Variants in HIVEP3 observed in about 807,000 individuals in gnomAD.
The protein encoded by HIVEP3 is HIVEP zinc finger 3.
HIVEP3 carries 49 observed loss-of-function variants against 152.8 expected under a neutral mutation model. The ratio of observed to expected loss-of-function variants is 0.32; its 90% confidence interval spans 0.26 to 0.41. The LOEUF is 0.41. Ranked by LOEUF, HIVEP3 falls within the 10% of genes least tolerant of loss-of-function variation. The probability of loss-of-function intolerance (pLI) is 1.00; values close to 1 mark genes in which losing one functional copy is unlikely to be tolerated. For missense variants in HIVEP3, 2,790 were observed against 3,103.3 expected (o/e 0.90, Z 2.40); for synonymous variants, 1,269 against 1,289.0 (o/e 0.98, Z 0.33).
chr1:41,904,029 T>C (rs1188272564), intron 1 of HIVEP3, among the ~76,000 whole-genome samples: 3 of 151,914 alleles, frequency 2.0e-5, no homozygotes, highest in Non-Finnish European at 4.4e-5. Context: ...CCTGAGTAGC[T>C]GGGATTACAG....
intron 5 of HIVEP3, among the ~76,000 whole-genome samples, chr1:41,527,261 ACATGCT>A (rs1380793177): frequency 3.7e-5 from 3 of 81,184 alleles, no homozygotes; most frequent in Non-Finnish European, 7.7e-5. Context: ...ACACACCCTC[ACATGCT>A]CACCCTCACA....
intron 1 of HIVEP3, among the ~76,000 whole-genome samples, chr1:41,813,541 T>C (rs1322900372): frequency 1.3e-5 from 2 of 152,210 alleles, no homozygotes; most frequent in African/African-American, 4.8e-5. Flanking sequence ...GTGCGACTTC[T>C]CTCCGCAGGA....
intron 1 of HIVEP3, among the ~76,000 whole-genome samples, chr1:41,843,586 A>T (rs1317813391): frequency 1.1e-4 from 16 of 145,828 alleles, no homozygotes; most frequent in Admixed American, 1.1e-3. Context: ...GTAGTTTAAG[A>T]AAAAAAAAAA....
chr1:41,874,257 G>A (rs752203874), intron 1 of HIVEP3, among the ~76,000 whole-genome samples: 33 of 152,226 alleles, frequency 2.2e-4, no homozygotes, highest in Non-Finnish European at 4.0e-4. Flanking sequence ...AGAGAGGGGA[G>A]AGGAAATGCA....
Position 41,628,962 on chromosome 1 carries a change from T to A in HIVEP3, c.-720-15A>T. The A allele has an allele frequency of 1.6e-6, 2 of 1,229,648 alleles. No individual in the cohort carries two copies. The highest frequency in any genetic ancestry group is 3.1e-5 in the African/African-American group (2 of 64,504). 76.2% of individuals were successfully genotyped at this position (1,229,648 alleles called of 1,614,324 possible). On this transcript the variant is annotated splice_polypyrimidine_tract_variant and intron_variant, in intron 2 of 8. Transcript: ENST00000372583. ...TGCCTCGAATCCTGCAGGAGATGAT[T>A]GAGAAACATGGTCAAAGAACTTTCT...
chr1:41,688,267 G>A (rs181532377), intron 2 of HIVEP3, among the ~76,000 whole-genome samples: 13 of 152,314 alleles, frequency 8.5e-5, no homozygotes, highest in African/African-American at 1.9e-4. Context: ...GGTGACTATC[G>A]TCCTAAAAGG....
At position 41,510,581 on chromosome 1, in the gene HIVEP3, C is replaced by T. The variant is rs199696052; in HGVS notation, c.7091G>A (p.Arg2364His). The T allele has an allele frequency of 5.6e-5, 87 of 1,559,070 alleles. 1 individual carries two copies. The East Asian group carries it at 1.4e-3, about 26-fold the overall frequency. Residue 2364 changes from arginine to histidine, a missense_variant, in exon 9 of 9, where the codon CGC (arginine) becomes CAC (histidine). Arg to His is a conservative substitution (Grantham distance 29). This residue lies in a region of HIVEP3 where 816 missense variants were observed against 806.5 expected (regional missense o/e 1.01). Coordinates refer to ENST00000372583, the MANE Select transcript of HIVEP3 (RefSeq NM_024503.5). ...SVGCLAEASA[R>H]FPARTRNLSG... is the part of the protein sequence containing the mutation. ...GAGGTTCCTCGTCCGGGCTGGGAAG[C>T]GGGCAGAGGCCTCTGCCAGGCAGCC...
chr1:41,716,945 CT>C (rs1322001148), intron 1 of HIVEP3, among the ~76,000 whole-genome samples: 9 of 152,262 alleles, frequency 5.9e-5, no homozygotes, highest in Admixed American at 3.9e-4. Flanking sequence ...AGGCCTCAAG[CT>C]GCACGCACGT....
At chr1:41,893,910 TTA>T (rs534353500) in intron 1 of HIVEP3, among the ~76,000 whole-genome samples, 21 of 145,240 alleles carry the variant, frequency 1.4e-4, no homozygotes, top group Non-Finnish European at 2.2e-4. Flanking sequence ...TATTTATTTT[TTA>T]TATATATATA....
At chr1:41,878,145 C>T (rs543408691) in intron 1 of HIVEP3, among the ~76,000 whole-genome samples, 9 of 152,312 alleles carry the variant, frequency 5.9e-5, no homozygotes, top group Non-Finnish European at 1.2e-4. Flanking sequence ...TTTGGAACCA[C>T]GCAACTAAGA....
At chr1:41,807,616 G>A (rs549563266) in intron 1 of HIVEP3, among the ~76,000 whole-genome samples, 1 of 152,328 alleles carries the variant, frequency 6.6e-6, no homozygotes, top group South Asian at 2.1e-4. Flanking sequence ...GTGTGAGCCA[G>A]AATGCACACG....
intron 5 of HIVEP3, among the ~76,000 whole-genome samples, chr1:41,537,915 T>C (rs1187314040): frequency 6.6e-6 from 1 of 152,200 alleles, no homozygotes; most frequent in Non-Finnish European, 1.5e-5. Flanking sequence ...GCTGCAAGCA[T>C]GTGAATTTAC....
At chr1:41,640,333 T>C (rs1250311499) in intron 2 of HIVEP3, among the ~76,000 whole-genome samples, 1 of 152,040 alleles carries the variant, frequency 6.6e-6, no homozygotes, top group African/African-American at 2.4e-5. Flanking sequence ...TCCTGCTATA[T>C]CAGGCCACAC....
chr1:41,725,407 T>C (rs1245432638), intron 1 of HIVEP3, among the ~76,000 whole-genome samples: 1 of 152,160 alleles, frequency 6.6e-6, no homozygotes, highest in East Asian at 1.9e-4. Context: ...CTGAATTATG[T>C]TAGAGCCCAG....
At chr1:41,655,424 C>T (rs979397159) in intron 2 of HIVEP3, among the ~76,000 whole-genome samples, 2 of 151,780 alleles carry the variant, frequency 1.3e-5, no homozygotes, top group East Asian at 3.9e-4. Flanking sequence ...CTCTACTAAA[C>T]GTACAAAAAT....
chr1:41,513,869 A>C (rs1642525881), intron 7 of HIVEP3, 119 bp from the exon 8 acceptor site: 1 of 750,514 alleles, frequency 1.3e-6, no homozygotes, highest in East Asian at 2.9e-5. Context: ...TAGCCATCGC[A>C]AGGGCACAAG....
intron 3 of HIVEP3, among the ~76,000 whole-genome samples, chr1:41,586,431 C>T (rs1238079521): frequency 6.6e-6 from 1 of 152,236 alleles, no homozygotes; most frequent in Non-Finnish European, 1.5e-5. Flanking sequence ...GGACCCAGGC[C>T]TCCCATGGCC....
intron 7 of HIVEP3, among the ~76,000 whole-genome samples, chr1:41,516,691 G>A (rs1642617080): frequency 6.6e-6 from 1 of 152,242 alleles, no homozygotes; most frequent in Non-Finnish European, 1.5e-5. Context: ...TCTCTGAACC[G>A]GCTGCCCCCG....
chr1:41,895,663 GT>G (rs1410145762), intron 1 of HIVEP3, among the ~76,000 whole-genome samples: 2 of 152,166 alleles, frequency 1.3e-5, no homozygotes, highest in African/African-American at 4.8e-5. Context: ...AGGGAAGGCT[GT>G]TCTAGCTAAC....
Sources: gnomAD v4.1 joint callset for allele counts (sites outside exome capture counted in the v4.1 genomes callset) on GRCh38, gnomAD v4.1.1 for gene constraint, gnomAD v4.1.1 regional missense constraint, MANE v1.5 for transcripts, NCBI Gene and HGNC (gene_info 2026-07-23, HGNC 2026-07-21) for gene names.